GPAT3: variants seen among roughly 807,000 people sequenced by gnomAD.
GPAT3 encodes glycerol-3-phosphate acyltransferase 3, also known as 1-AGP acyltransferase 9.
A neutral mutation model predicts 58.8 loss-of-function variants in GPAT3; 53 were observed. The ratio of observed to expected loss-of-function variants is 0.90; its 90% CI spans 0.72 to 1.13. GPAT3 has a LOEUF of 1.13. Ranked by LOEUF, GPAT3 falls within the 50% of genes most tolerant of loss-of-function variation. The pLI is 0.00. For synonymous variants in GPAT3, 197 were observed against 187.4 expected, an observed-to-expected ratio of 1.05 and a Z score of -0.42; for missense variants, 511 against 527.6, an observed-to-expected ratio of 0.97 and a Z score of 0.31.
rs1726501490 is a variant in GPAT3 at position 83,589,288 on chromosome 4, A to G, written c.645-911A>G. On this transcript the variant is annotated intron_variant, in intron 5 of 11. Coordinates refer to ENST00000264409, the MANE Select transcript of GPAT3 (RefSeq NM_032717.5). The stretch of plus-strand genomic sequence containing the variant: ...GTTCTTTCTTCTCTGTATAGGCCCA[A>G]AGAAAACTACTTTGCTTTATTGGTG... Among the ~76,000 whole-genome samples the G allele has an allele frequency of 2.6e-5, 4 of 152,238 alleles. No individual in the cohort carries two copies. In the South Asian group the frequency reaches 8.3e-4, roughly 31 times the overall value.
At chr4:83,590,603 T>G (rs1726558985) in intron 6 of GPAT3, among the ~76,000 whole-genome samples, 1 of 152,224 alleles carries the variant, frequency 6.6e-6, no homozygotes, top group Non-Finnish European at 1.5e-5. Context: ...TAATAATATT[T>G]GCAACATTAA....
At chr4:83,602,075 A>T (rs554209745) in intron 11 of GPAT3, among the ~76,000 whole-genome samples, 5 of 152,236 alleles carry the variant, frequency 3.3e-5, no homozygotes, top group Admixed American at 3.3e-4. Flanking sequence ...ATATAAAACG[A>T]CCTTGGTCCA....
rs148438873 is a variant in GPAT3, at chr4:83,591,740, G to C, written c.738+1448G>C. 8.1e-4 allele frequency among the ~76,000 whole-genome samples: 123 copies of C among 152,228 alleles called. 4 individuals carry two copies. In the East Asian group the frequency reaches 0.02, roughly 25 times the overall value. The stretch of plus-strand genomic sequence containing the variant: ...TTGACCTTCCCTGTAATCCAATCAG[G>C]TTAGGTCTGAGATTTTATTATAGAT... On this transcript the variant is annotated intron_variant, in intron 6 of 11. Coordinates refer to ENST00000264409, the MANE Select transcript of GPAT3 (RefSeq NM_032717.5).
intron 11 of GPAT3, among the ~76,000 whole-genome samples, chr4:83,600,678 G>T (rs1727024643): frequency 6.6e-6 from 1 of 151,582 alleles, no homozygotes; most frequent in Non-Finnish European, 1.5e-5. Flanking sequence ...AATTTTTTTT[G>T]TATTTTTAGT....
chr4:83,599,081 G>T (rs1726963217), intron 11 of GPAT3, among the ~76,000 whole-genome samples: 1 of 151,420 alleles, frequency 6.6e-6, no homozygotes, highest in Admixed American at 6.6e-5. Context: ...ACTGTTCCTG[G>T]CCTTTTCTTT....
rs1727234085 is a variant in GPAT3, at chr4:83,605,862, T to A, written c.*1095T>A. 6.6e-6 allele frequency: 1 copy of A among 152,228 alleles called. No homozygotes were observed. Among genetic ancestry groups the A allele is most frequent in the South Asian group, 2.1e-4 (1 of 4,822 alleles). 9.4% of individuals were successfully genotyped at this position (152,228 alleles called of 1,614,324 possible). On this transcript the variant is annotated 3_prime_UTR_variant, in exon 12 of 12. Coordinates refer to ENST00000264409, the MANE Select transcript of GPAT3 (RefSeq NM_032717.5). Reference sequence around the variant, plus strand: ...AACTGTCTTATGAATATAAATAAATTCTATATTTCTAAATGTGTGTTGCAT... The same window carrying A: ...AACTGTCTTATGAATATAAATAAATACTATATTTCTAAATGTGTGTTGCAT...
intron 2 of GPAT3, among the ~76,000 whole-genome samples, chr4:83,571,799 G>A (rs1725621378): frequency 6.6e-6 from 1 of 151,530 alleles, no homozygotes. Flanking sequence ...TTGAGATGGA[G>A]TCTCCCTCTT....
chr4:83,572,574 A>G (rs1433518928), intron 2 of GPAT3, among the ~76,000 whole-genome samples: 5 of 152,182 alleles, frequency 3.3e-5, no homozygotes, highest in South Asian at 2.1e-4. Context: ...GAGAACACCA[A>G]TAAGTAATTA....
At chr4:83,535,887 C>T, upstream of GPAT3, 1 of 985,466 alleles carries the variant, frequency 1.0e-6, no homozygotes, top group Non-Finnish European at 1.2e-6. Flanking sequence ...GTTCATTCTG[C>T]GGGTGAAGAA....
intron 6 of GPAT3, among the ~76,000 whole-genome samples, chr4:83,593,271 TCTC>T (rs1311174843): frequency 1.3e-5 from 2 of 150,666 alleles, no homozygotes; most frequent in African/African-American, 4.9e-5. Context: ...TTCAAGTGAT[TCTC>T]CTGCCTCAGC....
chr4:83,585,554 G>A (rs749484298), intron 3 of GPAT3, among the ~76,000 whole-genome samples: 3 of 151,624 alleles, frequency 2.0e-5, no homozygotes, highest in Admixed American at 6.6e-5. Context: ...TGCATGTTCA[G>A]ATGTGTTATT....
chr4:83,587,150 T>C (rs1726405444), intron 3 of GPAT3, 105 bp from the exon 4 acceptor site: 1 of 834,060 alleles, frequency 1.2e-6, no homozygotes, highest in Admixed American at 2.3e-5. Flanking sequence ...TATTTCATCA[T>C]GTGGATACTC....
At position 83,598,113 on chromosome 4, in the gene GPAT3, G is replaced by A; in HGVS notation, c.1059G>A (p.Leu353=). ...GTAAATACAACATGGTGAGCTACCT[G>A]CTTCGAATGATGACCAGCTGGGCCA... ...NSSKYNMVSY[L]LRMMTSWAIV... Residue 353 remains leucine (L), a synonymous_variant, in exon 10 of 12, where the codon CTG becomes CTA. Coordinates refer to ENST00000264409, the MANE Select transcript of GPAT3 (RefSeq NM_032717.5). 1 of 1,613,668 alleles carries A rather than the reference G, an allele frequency of 6.2e-7. No individual in the cohort carries two copies. The highest frequency in any genetic ancestry group is 8.5e-7 in the Non-Finnish European group (1 of 1,179,880).
chr4:83,590,586 C>T (rs1484316698), intron 6 of GPAT3, among the ~76,000 whole-genome samples: 1 of 152,156 alleles, frequency 6.6e-6, no homozygotes, highest in Non-Finnish European at 1.5e-5. Context: ...AAATCCCTGC[C>T]AGTGTTTAAT....
In GPAT3 at chr4:83,594,846, T is replaced by C. The variant is rs1459047081; in HGVS notation, c.740T>C (p.Val247Ala). The C allele has an allele frequency of 6.2e-7, 1 of 1,613,648 alleles. No homozygotes were observed. Among genetic ancestry groups the C allele is most frequent in the Non-Finnish European group, 8.5e-7 (1 of 1,179,708 alleles). The change falls in exon 7 of 12, where the codon GTT becomes GCT. Residue 247 changes from valine to alanine, a missense_variant and splice_region_variant. Physicochemically the swap from Val to Ala is moderately conservative, Grantham distance 64. Transcript: ENST00000264409. ...TTCCTTTTCTTATGCTACTTCTAGGTTGGCCAGGTTCATGGCGGCTTGATG... is the reference window on the plus strand; with the variant it reads ...TTCCTTTTCTTATGCTACTTCTAGGCTGGCCAGGTTCATGGCGGCTTGATG... ...ILTTDGCYAMVGQVHGGLMGI... is the reference protein window; with the variant it reads ...ILTTDGCYAMAGQVHGGLMGI...
intron 3 of GPAT3, among the ~76,000 whole-genome samples, chr4:83,585,530 TAA>T (rs1433547182): frequency 1.3e-5 from 2 of 152,082 alleles, no homozygotes; most frequent in Non-Finnish European, 2.9e-5. Flanking sequence ...ACATTATTCT[TAA>T]ACACATTGGG....
At chr4:83,564,202 A>G (rs1320531516) in intron 2 of GPAT3, among the ~76,000 whole-genome samples, 1 of 152,194 alleles carries the variant, frequency 6.6e-6, no homozygotes, top group East Asian at 1.9e-4. Context: ...ATATATGTCT[A>G]ACTTTTGGAT....
chr4:83,579,030 C>CTT (rs1190038933), intron 2 of GPAT3, among the ~76,000 whole-genome samples: 1 of 23,046 alleles, frequency 4.3e-5, no homozygotes, highest in Non-Finnish European at 8.6e-5. Context: ...TTCTTTCTTT[C>CTT]TTTCTTTCTT....
Position 83,536,408 on chromosome 4 carries a change from A to C in GPAT3, c.-215A>C. Reference sequence around the variant, plus strand: ...CCAGACCTGGGCAGCCAGCGGAGAAAGAGTTAACTGGCAGGGGCGAGGAGG... The same window carrying C: ...CCAGACCTGGGCAGCCAGCGGAGAACGAGTTAACTGGCAGGGGCGAGGAGG... On this transcript the variant is annotated 5_prime_UTR_variant, in exon 1 of 12. Coordinates refer to ENST00000264409, the MANE Select transcript of GPAT3 (RefSeq NM_032717.5). The C allele has an allele frequency of 1.5e-6, 2 of 1,341,154 alleles. No homozygotes were observed. The allele number at this position is 1,341,154 out of a possible 1,614,324, so 83.1% of individuals were successfully genotyped here. A position where few individuals can be genotyped will look rare whatever the true frequency, so the allele number is the denominator to read the frequency against.
Sources: allele counts gnomAD v4.1 joint callset (sites outside exome capture counted in the v4.1 genomes callset), GRCh38; gene constraint gnomAD v4.1.1; transcripts MANE v1.5; gene names NCBI Gene and HGNC (gene_info 2026-07-23, HGNC 2026-07-21).